Variants in PCDH7 observed in about 807,000 individuals in gnomAD.
PCDH7 encodes the protein protocadherin 7.
Under a neutral mutation model 58.9 loss-of-function variants are expected in PCDH7, and 17 were observed. The ratio of observed to expected loss-of-function variants is 0.29; its 90% CI spans 0.20 to 0.43. The LOEUF is 0.43. Ranked by LOEUF, PCDH7 falls within the 20% of genes least tolerant of loss-of-function variation. The pLI is 1.00. For synonymous variants in PCDH7, 664 were observed against 616.4 expected, an observed-to-expected ratio of 1.08 and a Z score of -1.14; for missense variants, 1,274 against 1,441.0, an observed-to-expected ratio of 0.88 and a Z score of 1.88.
intron 3 of PCDH7, among the ~76,000 whole-genome samples, chr4:30,981,706 A>T (rs1046234382): frequency 5.9e-5 from 9 of 152,022 alleles, no homozygotes; most frequent in Non-Finnish European, 8.8e-5. Context: ...TTCAGTTTTC[A>T]CTCTCCTTAA....
In PCDH7 at chr4:30,894,482, A is replaced by T. The variant is rs1489229318; in HGVS notation, c.71-25671A>T. On this transcript the variant is annotated intron_variant, in intron 1 of 3. Transcript: ENST00000509759. ...ATTCAGGAAAAAAAAAAAAAAAAAA[A>T]AAAAAAAAATATATATATATATATA... is the stretch of plus-strand genomic sequence containing the variant. Among the ~76,000 whole-genome samples, 235 of 57,486 alleles carry T rather than the reference A, an allele frequency of 4.1e-3. 8 individuals carry two copies. The highest frequency in any genetic ancestry group is 0.014 in the African/African-American group (214 of 15,152). 37.7% of individuals were successfully genotyped at this position (57,486 alleles called of 152,430 possible).
intron 1 of PCDH7, among the ~76,000 whole-genome samples, chr4:30,754,870 AT>A (rs548007129): frequency 1.3e-5 from 2 of 152,274 alleles, no homozygotes; most frequent in South Asian, 2.1e-4. Flanking sequence ...GGCTTAAACA[AT>A]TTTATTTATA....
intron 1 of PCDH7, among the ~76,000 whole-genome samples, chr4:30,760,384 A>T (rs921416404): frequency 2.6e-5 from 4 of 152,232 alleles, no homozygotes; most frequent in African/African-American, 9.6e-5. Context: ...GTATTCCAAT[A>T]GGAAGAGAGG....
chr4:31,080,522 T>A (rs978808185), intron 3 of PCDH7, among the ~76,000 whole-genome samples: 8 of 152,148 alleles, frequency 5.3e-5, no homozygotes, highest in Non-Finnish European at 1.2e-4. Context: ...TCATTTGATG[T>A]ATTAGGAACT....
At chr4:30,862,936 A>G (rs1475537148) in intron 1 of PCDH7, among the ~76,000 whole-genome samples, 1 of 152,248 alleles carries the variant, frequency 6.6e-6, no homozygotes, top group Admixed American at 6.5e-5. Context: ...GTATTGCCAA[A>G]AGTGATTTAA....
At chr4:31,072,226 A>C (rs1231234807) in intron 3 of PCDH7, among the ~76,000 whole-genome samples, 1 of 152,110 alleles carries the variant, frequency 6.6e-6, no homozygotes, top group East Asian at 1.9e-4. Context: ...ATCTTTTTTA[A>C]ATGCATACAG....
chr4:31,139,924 C>T (rs1390981914), intron 3 of PCDH7, among the ~76,000 whole-genome samples: 1 of 152,106 alleles, frequency 6.6e-6, no homozygotes, highest in Non-Finnish European at 1.5e-5. Flanking sequence ...AAAAGTCATG[C>T]TTCTTGGATA....
chr4:31,079,351 TATATATATATATAC>T lies in PCDH7; in HGVS notation c.*8-63120_*8-63107del, dbSNP rs1300962436. Among the ~76,000 whole-genome samples, 112 of 83,474 alleles carry T rather than the reference TATATATATATATAC, an allele frequency of 1.3e-3. 2 individuals are homozygous for T. Among genetic ancestry groups the T allele is most frequent in the African/African-American group, 4.7e-3 (88 of 18,830 alleles). 54.8% of individuals were successfully genotyped at this position (83,474 alleles called of 152,430 possible). On this transcript the variant is annotated intron_variant, in intron 3 of 3. Coordinates refer to the PCDH7 transcript ENST00000509759. ...ATATATATATATATATATATATATA[TATATATATATATAC>T]ACCACATTTTCAAAATAGACAGAAT...
downstream of PCDH7, chr4:31,146,383 A>C (rs947475618): frequency 6.8e-6 from 1 of 146,162 alleles, no homozygotes; most frequent in African/African-American, 2.6e-5. Flanking sequence ...ATAAATAAAT[A>C]ATAAAAAGTG....
intron 3 of PCDH7, among the ~76,000 whole-genome samples, chr4:31,043,761 T>A (rs1437628509): frequency 6.6e-6 from 1 of 150,504 alleles, no homozygotes; most frequent in Non-Finnish European, 1.5e-5. Flanking sequence ...CTGATAATAG[T>A]TTCTTTACTC....
intron 2 of PCDH7, among the ~76,000 whole-genome samples, chr4:30,920,601 A>G (rs1442764569): frequency 6.6e-6 from 1 of 152,162 alleles, no homozygotes; most frequent in Non-Finnish European, 1.5e-5. Context: ...AAATAAACGC[A>G]CTTATAAATA....
chr4:30,803,641 G>C (rs116514041), intron 1 of PCDH7, among the ~76,000 whole-genome samples: 1,760 of 152,288 alleles, frequency 0.012, 13 homozygotes, highest in Middle Eastern at 0.02. Flanking sequence ...GGGTCTTGCT[G>C]TTACCCAGGC....
chr4:30,798,038 C>T (rs770456185), intron 1 of PCDH7, among the ~76,000 whole-genome samples: 1 of 152,072 alleles, frequency 6.6e-6, no homozygotes, highest in African/African-American at 2.4e-5. Context: ...CAGTTGTTAC[C>T]AAGATAAATG....
chr4:31,008,087 G>C (rs917711455), intron 3 of PCDH7, among the ~76,000 whole-genome samples: 2 of 152,060 alleles, frequency 1.3e-5, no homozygotes, highest in African/African-American at 4.8e-5. Context: ...GGAGATGGCA[G>C]ATGATGAGAT....
At chr4:31,146,700 A>ATT (rs1396269351), downstream of PCDH7, 3 of 152,122 alleles carry the variant, frequency 2.0e-5, no homozygotes, top group African/African-American at 7.2e-5. Context: ...CTATTTATGA[A>ATT]ATACTTTGCA....
At chr4:31,072,083 A>C (rs547796652) in intron 3 of PCDH7, among the ~76,000 whole-genome samples, 9 of 152,204 alleles carry the variant, frequency 5.9e-5, no homozygotes, top group Middle Eastern at 6.8e-3. Flanking sequence ...ACATGGCTGC[A>C]CACTAGCACA....
At chr4:30,982,312 TG>T (rs554375848) in intron 3 of PCDH7, among the ~76,000 whole-genome samples, 35 of 152,348 alleles carry the variant, frequency 2.3e-4, no homozygotes, top group African/African-American at 8.2e-4. Context: ...GTCTTTTTCA[TG>T]TGAATTTCTC....
In PCDH7 at chr4:30,744,709, G is replaced by A. The variant is rs966325456; in HGVS notation, c.70+20113G>A. Among the ~76,000 whole-genome samples, 21 of 152,238 alleles carry A rather than the reference G, an allele frequency of 1.4e-4. 1 individual carries two copies. The highest frequency in any genetic ancestry group is 1.5e-5 in the Non-Finnish European group (1 of 68,042). On this transcript the variant is annotated intron_variant, in intron 1 of 3. Coordinates refer to the PCDH7 transcript ENST00000509759. Reference sequence around the variant, plus strand: ...CTTCTCCTTTATCAGTCCTGCATCAGTCTTGCAACCTTGGCCATAGGGCAT... The same window carrying A: ...CTTCTCCTTTATCAGTCCTGCATCAATCTTGCAACCTTGGCCATAGGGCAT...
At position 30,975,653 on chromosome 4, in the gene PCDH7, G is replaced by T. The variant is rs951261203; in HGVS notation, c.*7+25438G>T. On this transcript the variant is annotated intron_variant, in intron 3 of 3. Transcript: ENST00000509759. ...ATCTATTCCTTCATTTTTAGCCCTTGACCATATTCTATACTCTGACAGCAG... is the reference window on the plus strand; with the variant it reads ...ATCTATTCCTTCATTTTTAGCCCTTTACCATATTCTATACTCTGACAGCAG... Among the ~76,000 whole-genome samples, 10 of 152,152 alleles carry T rather than the reference G, an allele frequency of 6.6e-5. No individual in the cohort carries two copies. The South Asian group carries it at 1.9e-3, about 28-fold the overall frequency.
Sources: gnomAD v4.1 joint callset for allele counts (sites outside exome capture counted in the v4.1 genomes callset) on GRCh38, gnomAD v4.1.1 for gene constraint, MANE v1.5 for transcripts, NCBI Gene and HGNC (gene_info 2026-07-23, HGNC 2026-07-21) for gene names.